Variants in ESRRG observed in about 807,000 individuals in gnomAD.
ESRRG encodes estrogen related receptor gamma.
Under a neutral mutation model 44.0 loss-of-function variants are expected in ESRRG, and 13 were observed. That is an observed-to-expected ratio of 0.30 (90% CI 0.19 to 0.47). The LOEUF (loss-of-function observed/expected upper bound fraction) is 0.47. ESRRG is among the 20% of genes least tolerant of loss of function. The pLI, the probability that ESRRG is intolerant of heterozygous loss-of-function variation, is 1.00. For missense variants in ESRRG, 395 were observed against 580.6 expected (o/e 0.68, Z 3.29); for synonymous variants, 215 against 214.6 (o/e 1.00, Z -0.02).
chr1:217,096,743 A>G (rs759430530), intron 1 of ESRRG, among the ~76,000 whole-genome samples: 17 of 152,146 alleles, frequency 1.1e-4, no homozygotes, highest in Non-Finnish European at 2.1e-4. Flanking sequence ...AACTGATATC[A>G]TTGTATTTAT....
At chr1:216,567,526 G>A (rs1466261835) in intron 4 of ESRRG, among the ~76,000 whole-genome samples, 2 of 152,212 alleles carry the variant, frequency 1.3e-5, no homozygotes, top group East Asian at 3.9e-4. Flanking sequence ...CCAAATTAAT[G>A]AGGCCCCTAA....
At chr1:216,826,860 G>A (rs561756072) in intron 2 of ESRRG, among the ~76,000 whole-genome samples, 1 of 152,266 alleles carries the variant, frequency 6.6e-6, no homozygotes, top group Non-Finnish European at 1.5e-5. Flanking sequence ...GGTTATAGAA[G>A]GGCTTGGTAA....
chr1:217,047,607 G>A (rs2085122947), intron 1 of ESRRG, among the ~76,000 whole-genome samples: 1 of 152,136 alleles, frequency 6.6e-6, no homozygotes, highest in African/African-American at 2.4e-5. Flanking sequence ...ATAATAAATA[G>A]ATACATTAAA....
At chr1:216,857,748 A>G (rs566385936) in intron 2 of ESRRG, among the ~76,000 whole-genome samples, 68 of 150,838 alleles carry the variant, frequency 4.5e-4, no homozygotes, top group Non-Finnish European at 5.9e-5. Flanking sequence ...AAGTCCCTTC[A>G]TTCTTAGCAA....
At chr1:216,943,537 G>C (rs982213399) in intron 1 of ESRRG, among the ~76,000 whole-genome samples, 1 of 152,158 alleles carries the variant, frequency 6.6e-6, no homozygotes, top group African/African-American at 2.4e-5. Context: ...CATTCACCCA[G>C]CTGTCCTTGG....
intron 6 of ESRRG, among the ~76,000 whole-genome samples, chr1:216,517,056 C>T (rs1212288643): frequency 2.0e-5 from 3 of 152,020 alleles, no homozygotes; most frequent in Non-Finnish European, 4.4e-5. Flanking sequence ...GACTCTGATT[C>T]AATTGATTTT....
At chr1:216,978,023 C>A (rs573982252) in intron 1 of ESRRG, among the ~76,000 whole-genome samples, 1 of 152,150 alleles carries the variant, frequency 6.6e-6, no homozygotes, top group South Asian at 2.1e-4. Flanking sequence ...GATTTCCCAG[C>A]CACTAGAATT....
chr1:216,662,067 T>C (rs886376645), intron 2 of ESRRG, among the ~76,000 whole-genome samples: 1 of 152,144 alleles, frequency 6.6e-6, no homozygotes, highest in Non-Finnish European at 1.5e-5. Flanking sequence ...AGTAAGATCA[T>C]GTATTTAAGA....
At chr1:216,891,802 T>C (rs2057829603) in intron 2 of ESRRG, among the ~76,000 whole-genome samples, 1 of 147,394 alleles carries the variant, frequency 6.8e-6, no homozygotes, top group Non-Finnish European at 1.5e-5. Context: ...CGCTTTTTTT[T>C]TTTTTTTTTT....
chr1:216,543,700 G>A (rs1000097953), intron 5 of ESRRG, among the ~76,000 whole-genome samples: 1 of 151,774 alleles, frequency 6.6e-6, no homozygotes, highest in Non-Finnish European at 1.5e-5. Context: ...TGGAAAAATA[G>A]TATCCACCAT....
chr1:216,535,512 T>C lies in ESRRG; in HGVS notation c.863-16091A>G, dbSNP rs115404205. 3.3e-3 allele frequency among the ~76,000 whole-genome samples: 495 copies of C among 152,246 alleles called. 3 individuals are homozygous for C. Among genetic ancestry groups the C allele is most frequent in the Middle Eastern group, 0.014 (4 of 294 alleles). ...GAAGGACATCAGATATAAATACCCT[T>C]GACCTACTTCCCTTCTTGTCTGTAG... On this transcript the variant is annotated intron_variant, in intron 5 of 6. Coordinates refer to ENST00000408911, the MANE Select transcript of ESRRG (RefSeq NM_001438.4).
At chr1:216,966,430 C>A (rs1578795297) in intron 1 of ESRRG, among the ~76,000 whole-genome samples, 2 of 152,110 alleles carry the variant, frequency 1.3e-5, no homozygotes, top group Non-Finnish European at 2.9e-5. Flanking sequence ...TTCACTATTC[C>A]CAAGCCCTTG....
At chr1:216,612,255 G>T (rs2060777974) in intron 3 of ESRRG, among the ~76,000 whole-genome samples, 1 of 152,036 alleles carries the variant, frequency 6.6e-6, no homozygotes. Flanking sequence ...TAGGGAGAAG[G>T]AAAAGGATGA....
intron 2 of ESRRG, among the ~76,000 whole-genome samples, chr1:216,885,985 A>T (rs1219571840): frequency 6.6e-6 from 1 of 151,276 alleles, no homozygotes; most frequent in African/African-American, 2.4e-5. Context: ...CTTTTTTTTA[A>T]AAAAAAAACT....
chr1:216,875,595 T>C lies in ESRRG; in HGVS notation c.-14+63987A>G, dbSNP rs11572541. On this transcript the variant is annotated intron_variant, in intron 2 of 7. Coordinates refer to the ESRRG transcript ENST00000359162. ...ATATAGCACAGTGGTTGATTTTCAT[T>C]GCCATATAGTATTCCTATATATGAA... Among the ~76,000 whole-genome samples, 1,339 of 152,262 alleles carry C rather than the reference T, an allele frequency of 8.8e-3. 18 individuals are homozygous for C. Among genetic ancestry groups the C allele is most frequent in the East Asian group, 0.045 (232 of 5,186 alleles).
rs544562987 is a variant in ESRRG at position 216,566,867 on chromosome 1, C to T, written c.700+1121G>A. Among the ~76,000 whole-genome samples, 4 of 152,252 alleles carry T rather than the reference C, an allele frequency of 2.6e-5. No homozygotes were observed. The South Asian group carries it at 6.2e-4, about 24-fold the overall frequency. ...AAACTATGCCATATGTTCACTTAAG[C>T]TTTAATTTTATGTAAAACTGGTTGT... On this transcript the variant is annotated intron_variant, in intron 4 of 6. Coordinates refer to ENST00000408911, the MANE Select transcript of ESRRG (RefSeq NM_001438.4).
intron 1 of ESRRG, among the ~76,000 whole-genome samples, chr1:217,012,891 T>C (rs1005043100): frequency 6.6e-6 from 1 of 152,208 alleles, no homozygotes; most frequent in Admixed American, 6.5e-5. Context: ...ATCTCAGCTC[T>C]ACAACTCAGA....
intron 1 of ESRRG, among the ~76,000 whole-genome samples, chr1:217,011,340 A>C (rs1402456996): frequency 6.6e-6 from 1 of 152,218 alleles, no homozygotes; most frequent in Non-Finnish European, 1.5e-5. Context: ...TTCAATAAAC[A>C]GGTTTATTGG....
intron 5 of ESRRG, among the ~76,000 whole-genome samples, chr1:216,525,668 TA>T (rs942391917): frequency 5.3e-5 from 8 of 152,122 alleles, no homozygotes; most frequent in African/African-American, 1.9e-4. Context: ...TATAGGACTC[TA>T]AAAAATATAT....
Sources: allele counts gnomAD v4.1 joint callset (sites outside exome capture counted in the v4.1 genomes callset), GRCh38; gene constraint gnomAD v4.1.1; transcripts MANE v1.5; gene names NCBI Gene and HGNC (gene_info 2026-07-23, HGNC 2026-07-21).